ZNF57: variants seen among roughly 807,000 people sequenced by gnomAD.
The protein encoded by ZNF57 is zinc finger protein 424.
Under a neutral mutation model 13.4 loss-of-function variants are expected in ZNF57, and 11 were observed. The observed-to-expected ratio is 0.82, with a 90% CI of 0.52 to 1.36. ZNF57 has a LOEUF of 1.36. ZNF57 is among the 40% of genes most tolerant of loss of function. The pLI, the probability that ZNF57 is intolerant of heterozygous loss-of-function variation, is 0.00. For synonymous variants in ZNF57, 224 were observed against 238.5 expected (o/e 0.94, Z 0.56); for missense variants, 696 against 667.5 (o/e 1.04, Z -0.47).
intron 1 of ZNF57, among the ~76,000 whole-genome samples, chr19:2,906,855 C>A (rs1265316233): frequency 1.3e-5 from 2 of 152,186 alleles, no homozygotes; most frequent in East Asian, 3.9e-4. Context: ...GGCATCAGGG[C>A]AGCTCCGGGC....
chr19:2,915,761 C>A, intron 2 of ZNF57, 113 bp downstream of exon 2: 1 of 1,468,010 alleles, frequency 6.8e-7, no homozygotes, highest in Non-Finnish European at 9.5e-7. Flanking sequence ...TGTTCACAGC[C>A]ACCATGGACC....
In ZNF57 at chr19:2,900,968, G is replaced by T; in HGVS notation, c.-78G>T. On this transcript the variant is annotated 5_prime_UTR_variant, in exon 1 of 4. Transcript: ENST00000306908. ...GCCCTGCCTACCACGAGCGGCCCGG[G>T]AGTACCTGTACCTTTCAGCTGCGCC... 6.5e-7 allele frequency: 1 copy of T among 1,538,924 alleles called. No individual in the cohort carries two copies. The highest frequency in any genetic ancestry group is 2.5e-5 in the East Asian group (1 of 39,558).
In ZNF57 at chr19:2,901,150, G is replaced by T. The variant is rs2088025893; in HGVS notation, c.3+102G>T. On this transcript the variant is annotated intron_variant, in intron 1 of 3. Transcript: ENST00000306908. ...CTGCGGCCGGGATTGGCTGAGGGAC[G>T]CGCGGGGCGGCGCAGGACTAGCACC... 5 of 1,406,868 alleles carry T rather than the reference G, an allele frequency of 3.6e-6. No individual in the cohort carries two copies. The South Asian group carries it at 5.6e-5, about 16-fold the overall frequency. The allele number at this position is 1,406,868 out of a possible 1,614,324, so 87.1% of individuals were successfully genotyped here. A position where few individuals can be genotyped will look rare whatever the true frequency, so the allele number is the denominator to read the frequency against.
chr19:2,906,898 T>C (rs1248805356), intron 1 of ZNF57, among the ~76,000 whole-genome samples: 1 of 152,150 alleles, frequency 6.6e-6, no homozygotes, highest in Non-Finnish European at 1.5e-5. Flanking sequence ...AGCCTCGGTC[T>C]CTAGTGGGCT....
chr19:2,914,189 AAAAG>A (rs1264652746), intron 1 of ZNF57, among the ~76,000 whole-genome samples: 1 of 152,338 alleles, frequency 6.6e-6, no homozygotes, highest in African/African-American at 2.4e-5. Context: ...GCTCAACTAA[AAAAG>A]AAAAAAGAAT....
intron 3 of ZNF57, 130 bp downstream of exon 3, chr19:2,916,379 T>A (rs6510722): frequency 1.2e-6 from 1 of 832,084 alleles, no homozygotes; most frequent in Non-Finnish European, 1.8e-6. Context: ...AAATTTGTAT[T>A]TGACTAAGAC....
rs1221277595 is a variant in ZNF57 at position 2,901,051 on chromosome 19, G to A, written c.3+3G>A. 6.4e-7 allele frequency: 1 copy of A among 1,560,572 alleles called. No individual in the cohort carries two copies. Among genetic ancestry groups the A allele is most frequent in the African/African-American group, 1.4e-5 (1 of 73,902 alleles). On this transcript the variant is annotated splice_donor_region_variant and intron_variant, in intron 1 of 3. Coordinates refer to ENST00000306908, the MANE Select transcript of ZNF57 (RefSeq NM_173480.3). ...AGCCCAGGAGCAGGGGAGACATGGT[G>A]AGTGCGAGGCAGGAGCAGAGCCAGG...
rs556319506 is a variant in ZNF57 at position 2,918,171 on chromosome 19, C to A, written c.1550C>A (p.Ser517Tyr). ...KQCGMSFKWH[S>Y]SFRNHLRMHT... ...TGTGGGATGTCCTTCAAGTGGCACTCCTCCTTCCGGAACCATCTGAGGATG... is the reference window on the plus strand; with the variant it reads ...TGTGGGATGTCCTTCAAGTGGCACTACTCCTTCCGGAACCATCTGAGGATG... The change falls in exon 4 of 4, where the codon TCC (serine) becomes TAC (tyrosine). Residue 517 changes from serine (S) to tyrosine (Y), a missense_variant. This residue lies in a region of ZNF57 where 645 missense variants were observed against 591.5 expected (regional missense o/e 1.09). Transcript: ENST00000306908. 6.2e-7 allele frequency: 1 copy of A among 1,614,182 alleles called. No individual in the cohort carries two copies. The highest frequency in any genetic ancestry group is 1.7e-5 in the Admixed American group (1 of 60,018).
At chr19:2,905,722 G>A (rs372382901) in intron 1 of ZNF57, among the ~76,000 whole-genome samples, 2 of 137,874 alleles carry the variant, frequency 1.5e-5, no homozygotes, top group Non-Finnish European at 1.5e-5. Flanking sequence ...CTGAGATTGC[G>A]CCACTGCACT....
intron 1 of ZNF57, among the ~76,000 whole-genome samples, chr19:2,912,555 A>G (rs2088148538): frequency 6.6e-6 from 1 of 152,018 alleles, no homozygotes; most frequent in Non-Finnish European, 1.5e-5. Flanking sequence ...CTCTCTCTTC[A>G]GTTTGAGGGG....
intron 1 of ZNF57, among the ~76,000 whole-genome samples, chr19:2,910,885 G>C (rs12974032): frequency 0.8 from 107,661 of 134,220 alleles, 44,518 homozygotes; most frequent in Non-Finnish European, 0.88. Flanking sequence ...TGAGCCACCG[G>C]GCCCGGCCTG....
intron 1 of ZNF57, chr19:2,912,261 G>C (rs2088144686): frequency 6.6e-6 from 1 of 152,178 alleles, no homozygotes. Context: ...TCTTTCCACA[G>C]GTAATTTAGA....
intron 1 of ZNF57, among the ~76,000 whole-genome samples, chr19:2,903,869 C>T (rs989258510): frequency 1.3e-5 from 2 of 152,130 alleles, no homozygotes; most frequent in Non-Finnish European, 2.9e-5. Flanking sequence ...GCGACCGCCA[C>T]CTCGCCCGGC....
intron 1 of ZNF57, among the ~76,000 whole-genome samples, chr19:2,904,203 A>T (rs962663155): frequency 6.6e-6 from 1 of 152,172 alleles, no homozygotes; most frequent in Non-Finnish European, 1.5e-5. Flanking sequence ...ATGCACCGTG[A>T]ATAGCAGCTC....
intron 3 of ZNF57, 55 bp downstream of exon 3, chr19:2,916,304 G>C: frequency 7.0e-7 from 1 of 1,435,128 alleles, no homozygotes; most frequent in Non-Finnish European, 9.3e-7. Flanking sequence ...ATATATCTAA[G>C]TATTGCTCCA....
chr19:2,916,904 AT>A lies in ZNF57; in HGVS notation c.303-19del. On this transcript the variant is annotated intron_variant, in intron 3 of 3. Transcript: ENST00000306908. ...ATTACTAAACATACCATACATAAAA[AT>A]GTCTCTCATTTTTAACAGAAATCAT... The A allele has an allele frequency of 6.5e-7, 1 of 1,544,448 alleles. No homozygotes were observed. The highest frequency in any genetic ancestry group is 8.7e-7 in the Non-Finnish European group (1 of 1,145,954).
At position 2,917,260 on chromosome 19, in the gene ZNF57, C is replaced by G; in HGVS notation, c.639C>G (p.His213Gln). Reference sequence around the variant, plus strand: ...TCCAACATCCTCGTTACCTCTCCCACCACGTAAAGACTCACACAGCAGAGA... The same window carrying G: ...TCCAACATCCTCGTTACCTCTCCCAGCACGTAAAGACTCACACAGCAGAGA... ...QTFQHPRYLSHHVKTHTAEKT... is the reference protein window; with the variant it reads ...QTFQHPRYLSQHVKTHTAEKT... The change falls in exon 4 of 4, where the codon CAC becomes CAG. Residue 213 changes from histidine (H) to glutamine (Q), a missense_variant. By Grantham distance (24) the His-to-Gln change is conservative (BLOSUM62 0). This residue lies in a region of ZNF57 where 645 missense variants were observed against 591.5 expected (regional missense o/e 1.09). Transcript: ENST00000306908. 4 of 1,614,204 alleles carry G rather than the reference C, an allele frequency of 2.5e-6. No individual in the cohort carries two copies. The highest frequency in any genetic ancestry group is 3.4e-6 in the Non-Finnish European group (4 of 1,180,034).
chr19:2,901,595 A>G (rs2088030860), intron 1 of ZNF57, among the ~76,000 whole-genome samples: 1 of 151,708 alleles, frequency 6.6e-6, no homozygotes. Context: ...ATCTCGGCTC[A>G]CTGCAACTTC....
In ZNF57 at chr19:2,910,889, C is replaced by T. The variant is rs554330704; in HGVS notation, c.4-4633C>T. ...GATGACGGGCGTGAGCCACCGGGCC[C>T]GGCCTGGTTACTGTTTTCTGTTTTT... On this transcript the variant is annotated intron_variant, in intron 1 of 3. Coordinates refer to ENST00000306908, the MANE Select transcript of ZNF57 (RefSeq NM_173480.3). Among the ~76,000 whole-genome samples the T allele has an allele frequency of 2.0e-5, 3 of 151,218 alleles. No homozygotes were observed. The East Asian group carries it at 5.9e-4, about 30-fold the overall frequency.
Sources: allele counts gnomAD v4.1 joint callset (sites outside exome capture counted in the v4.1 genomes callset), GRCh38; gene constraint gnomAD v4.1.1; regional missense constraint gnomAD v4.1.1; transcripts MANE v1.5; gene names NCBI Gene and HGNC (gene_info 2026-07-23, HGNC 2026-07-21).